The following ZNF564 variants were observed in gnomAD, a reference collection of about 807,000 sequenced individuals.
ZNF564 encodes zinc finger protein 564.
ZNF564 carries 5 observed loss-of-function variants against 10.5 expected under a neutral mutation model. That is an observed-to-expected ratio of 0.48 (90% CI 0.25 to 1.00). The LOEUF (loss-of-function observed/expected upper bound fraction) is 1.00. Ranked by LOEUF, ZNF564 falls within the 50% of genes least tolerant of loss-of-function variation. ZNF564 has a pLI of 0.16. For synonymous variants in ZNF564, 242 were observed against 218.1 expected (o/e 1.11, Z -0.97); for missense variants, 603 against 669.7 (o/e 0.90, Z 1.10).
chr19:12,547,032 CTAATCT>C (rs1307600941), intron 1 of ZNF564, among the ~76,000 whole-genome samples: 1 of 152,108 alleles, frequency 6.6e-6, no homozygotes, highest in Non-Finnish European at 1.5e-5. Flanking sequence ...CCACCTATTC[CTAATCT>C]TATTTGTTCC....
At chr19:12,544,132 A>G (rs914742008) in intron 1 of ZNF564, among the ~76,000 whole-genome samples, 2 of 152,188 alleles carry the variant, frequency 1.3e-5, no homozygotes, top group Non-Finnish European at 2.9e-5. Flanking sequence ...CAGGTGACTA[A>G]GACAGTACAG....
chr19:12,547,307 G>T (rs1185880276), intron 1 of ZNF564, among the ~76,000 whole-genome samples: 4 of 151,936 alleles, frequency 2.6e-5, no homozygotes, highest in Admixed American at 2.0e-4. Flanking sequence ...CTCCTGTTTC[G>T]GCCTCCCAAA....
Position 12,527,301 on chromosome 19 carries a change from T to A in ZNF564, c.807A>T (p.Arg269=). 6.2e-7 allele frequency: 1 copy of A among 1,613,880 alleles called. No individual in the cohort carries two copies. Among genetic ancestry groups the A allele is most frequent in the Non-Finnish European group, 8.5e-7 (1 of 1,179,974 alleles). Residue 269 remains arginine (R), a synonymous_variant, in exon 4 of 4, where the codon CGA becomes CGT. Transcript: ENST00000339282. ...GKAFDRPSLF[R]IHERTHTGEK... ...CTCCAGTATGAGTTCTTTCATGTAT[T>A]CGAAATAAACTGGGGCGGTCAAAGG...
chr19:12,539,864 C>G lies in ZNF564; in HGVS notation c.4-11168G>C, dbSNP rs139164268. Among the ~76,000 whole-genome samples the G allele has an allele frequency of 9.1e-3, 1,369 of 150,982 alleles. 21 individuals are homozygous for G. Among genetic ancestry groups the G allele is most frequent in the African/African-American group, 0.032 (1,304 of 41,132 alleles). On this transcript the variant is annotated intron_variant, in intron 1 of 3. Transcript: ENST00000339282. ...GGTGTGGTGGTGGGCGCCTGTAGTC[C>G]CAGCTACTCGGGAGGCTGAGGCAGG...
chr19:12,549,389 C>T (rs1235511515), intron 1 of ZNF564, among the ~76,000 whole-genome samples: 1 of 152,206 alleles, frequency 6.6e-6, no homozygotes, highest in Non-Finnish European at 1.5e-5. Flanking sequence ...CAGCCCCACC[C>T]TGGCTCACTG....
Position 12,528,293 on chromosome 19 carries a change from G to C in ZNF564, c.191+11C>G. 3 of 1,606,564 alleles carry C rather than the reference G, an allele frequency of 1.9e-6. No homozygotes were observed. Among genetic ancestry groups the C allele is most frequent in the Non-Finnish European group, 2.5e-6 (3 of 1,177,600 alleles). On this transcript the variant is annotated intron_variant, in intron 3 of 3. Transcript: ENST00000339282. Reference sequence around the variant, plus strand: ...AAGGAGACATTGCTTTATCTTGTCAGTGCAAATTACCTTAAAATTCTCCCC... The same window carrying C: ...AAGGAGACATTGCTTTATCTTGTCACTGCAAATTACCTTAAAATTCTCCCC...
chr19:12,538,814 A>G lies in ZNF564; in HGVS notation c.4-10118T>C, dbSNP rs186894819. Among the ~76,000 whole-genome samples, 18 of 152,200 alleles carry G rather than the reference A, an allele frequency of 1.2e-4. No individual in the cohort carries two copies. In the East Asian group the frequency reaches 3.3e-3, roughly 28 times the overall value. On this transcript the variant is annotated intron_variant, in intron 1 of 3. Transcript: ENST00000339282. ...ACAGAGCAAGACCCTGTCTCAAAAAAAAAAGTATCAACTTTAGTTAATAAT... is the reference window on the plus strand; with the variant it reads ...ACAGAGCAAGACCCTGTCTCAAAAAGAAAAGTATCAACTTTAGTTAATAAT...
rs751850695 is a variant in ZNF564, at chr19:12,527,375, T to C, written c.733A>G (p.Ile245Val). ...TAAGGTCCATCTCCAGTGTGCCTAA[T>C]CATGTGTCTTTGAAAACTTGGAAGA... Reference protein sequence around the residue: ...ISLPSFQRHMIRHTGDGPYKC... With the variant: ...ISLPSFQRHMVRHTGDGPYKC... Residue 245 changes from isoleucine to valine, a missense_variant, in exon 4 of 4, where the codon ATT becomes GTT. Transcript: ENST00000339282. The C allele has an allele frequency of 5.0e-6, 8 of 1,614,054 alleles. No individual in the cohort carries two copies. Among genetic ancestry groups the C allele is most frequent in the Middle Eastern group, 1.6e-4 (1 of 6,082 alleles).
At chr19:12,540,677 A>G (rs1471077920) in intron 1 of ZNF564, among the ~76,000 whole-genome samples, 1 of 151,776 alleles carries the variant, frequency 6.6e-6, no homozygotes, top group Non-Finnish European at 1.5e-5. Context: ...ACATGATGAA[A>G]CCCCGTCTCT....
intron 1 of ZNF564, among the ~76,000 whole-genome samples, chr19:12,536,908 A>G (rs898302776): frequency 2.6e-5 from 4 of 152,204 alleles, no homozygotes; most frequent in Non-Finnish European, 5.9e-5. Flanking sequence ...ATGTGCAATC[A>G]TAATCACAAT....
At chr19:12,542,233 G>A (rs932575616) in intron 1 of ZNF564, among the ~76,000 whole-genome samples, 18 of 147,652 alleles carry the variant, frequency 1.2e-4, no homozygotes, top group East Asian at 3.9e-4. Flanking sequence ...TGCTTGAACC[G>A]GGTAGGCAGA....
At chr19:12,551,191 AG>A in intron 1 of ZNF564, 138 bp downstream of exon 1, 1 of 981,106 alleles carries the variant, frequency 1.0e-6, no homozygotes, top group Non-Finnish European at 1.6e-6. Context: ...GAGGGGACAG[AG>A]GGCCGAGCTG....
rs964386350 is a variant in ZNF564 at position 12,540,588 on chromosome 19, C to T, written c.3+10742G>A. Among the ~76,000 whole-genome samples the T allele has an allele frequency of 2.0e-5, 3 of 152,240 alleles. No homozygotes were observed. The South Asian group carries it at 6.2e-4, about 32-fold the overall frequency. ...TACAAAAACCGGCTGGGTGTGGTAG[C>T]TCATGCCTGTAATCCCAGCACTTTG... On this transcript the variant is annotated intron_variant, in intron 1 of 3. Coordinates refer to ENST00000339282, the MANE Select transcript of ZNF564 (RefSeq NM_144976.4).
In ZNF564 at chr19:12,537,536, C is replaced by T. The variant is rs535854457; in HGVS notation, c.4-8840G>A. On this transcript the variant is annotated intron_variant, in intron 1 of 3. Coordinates refer to ENST00000339282, the MANE Select transcript of ZNF564 (RefSeq NM_144976.4). ...GGCGGATCACCTGAGGTCGGGAGTT[C>T]GAGACCAGCCTGACCAAAAAGGAGA... Among the ~76,000 whole-genome samples, 8 of 151,980 alleles carry T rather than the reference C, an allele frequency of 5.3e-5. No homozygotes were observed. In the East Asian group the frequency reaches 9.7e-4, roughly 18 times the overall value.
At position 12,527,205 on chromosome 19, in the gene ZNF564, A is replaced by C; in HGVS notation, c.903T>G (p.Ile301Met). The change falls in exon 4 of 4, where the codon ATT becomes ATG. Residue 301 changes from isoleucine to methionine, a missense_variant. By Grantham distance (10) the Ile-to-Met change is conservative (BLOSUM62 1). Transcript: ENST00000339282. ...TATAAGGTCCATCCCCAGTGTGCCT[A>C]ATCATATGACTTTGAAAATTTGTGA... ...ISFTNFQSHM[I>M]RHTGDGPYKC... 6.2e-7 allele frequency: 1 copy of C among 1,614,128 alleles called. No individual in the cohort carries two copies. The highest frequency in any genetic ancestry group is 2.2e-5 in the East Asian group (1 of 44,854).
chr19:12,541,953 T>C (rs1312600046), intron 1 of ZNF564, among the ~76,000 whole-genome samples: 3 of 142,256 alleles, frequency 2.1e-5, no homozygotes, highest in Non-Finnish European at 4.5e-5. Context: ...AGAGAAGAGG[T>C]TGCAGTGAGC....
At chr19:12,541,920 C>T (rs2022058848) in intron 1 of ZNF564, among the ~76,000 whole-genome samples, 1 of 150,116 alleles carries the variant, frequency 6.7e-6, no homozygotes, top group Non-Finnish European at 1.5e-5. Flanking sequence ...GAGGCTGAGG[C>T]CGAGGAATCG....
At chr19:12,530,535 C>T (rs1884811629) in intron 1 of ZNF564, among the ~76,000 whole-genome samples, 1 of 152,170 alleles carries the variant, frequency 6.6e-6, no homozygotes, top group South Asian at 2.1e-4. Flanking sequence ...ACTTGCTAAC[C>T]TTGAGGAACA....
At chr19:12,541,006 C>CAA (rs35446725) in intron 1 of ZNF564, among the ~76,000 whole-genome samples, 2 of 35,966 alleles carry the variant, frequency 5.6e-5, no homozygotes, top group African/African-American at 1.6e-4. Flanking sequence ...GACTCTGTCT[C>CAA]AAAAAAAAAA....
Sources: allele counts gnomAD v4.1 joint callset (sites outside exome capture counted in the v4.1 genomes callset), GRCh38; gene constraint gnomAD v4.1.1; transcripts MANE v1.5; gene names NCBI Gene and HGNC (gene_info 2026-07-23, HGNC 2026-07-21).